Variants in PFKL observed in about 807,000 individuals in gnomAD.
The protein encoded by PFKL is ATP-dependent 6-phosphofructokinase, liver type.
PFKL carries 74 observed loss-of-function variants against 92.1 expected under a neutral mutation model. The ratio of observed to expected loss-of-function variants is 0.80; its 90% confidence interval spans 0.67 to 0.97. PFKL has a LOEUF of 0.97. Ranked by LOEUF, PFKL falls within the 50% of genes least tolerant of loss-of-function variation. The pLI is 0.00. For synonymous variants in PFKL, 494 were observed against 456.4 expected, an observed-to-expected ratio of 1.08 and a Z score of -1.05; for missense variants, 1,028 against 1,116.6, an observed-to-expected ratio of 0.92 and a Z score of 1.13.
chr21:44,309,273 A>G (rs539287799), intron 2 of PFKL, among the ~76,000 whole-genome samples: 5 of 152,110 alleles, frequency 3.3e-5, no homozygotes, highest in Non-Finnish European at 5.9e-5. Flanking sequence ...AACCCTTCTC[A>G]GTTCTGACAC....
chr21:44,325,393 C>T (rs539617081), intron 19 of PFKL, 129 bp downstream of exon 19: 8 of 663,098 alleles, frequency 1.2e-5, no homozygotes, highest in Non-Finnish European at 2.2e-5. Context: ...GCACGTGTGC[C>T]CTTCCCCAGT....
At chr21:44,319,573 G>A (rs1313231768) in intron 11 of PFKL, 158 bp downstream of exon 11, 2 of 668,532 alleles carry the variant, frequency 3.0e-6, no homozygotes, top group Non-Finnish European at 5.3e-6. Flanking sequence ...TGGTACAGGA[G>A]GCGGGCTGGG....
chr21:44,312,227 C>T lies in PFKL; in HGVS notation c.360C>T (p.Gly120=), dbSNP rs369308651. Residue 120 remains glycine, a synonymous_variant, in exon 4 of 22, where the codon GGC becomes GGT. Coordinates refer to ENST00000349048, the MANE Select transcript of PFKL (RefSeq NM_002626.6). ...ITNLCVIGGD[G]SLTGANIFRS... is the part of the protein sequence containing the mutation. ...ACCTGTGCGTCATCGGCGGGGATGG[C>T]AGCCTCACAGGTGCCAACATCTTCC... The T allele has an allele frequency of 7.5e-6, 12 of 1,598,354 alleles. No individual in the cohort carries two copies. In the African/African-American group the frequency reaches 1.3e-4, roughly 18 times the overall value.
At chr21:44,321,594 T>C (rs1457182422) in intron 12 of PFKL, 135 bp from the exon 13 acceptor site, 4 of 773,042 alleles carry the variant, frequency 5.2e-6, no homozygotes, top group Non-Finnish European at 5.8e-6. Context: ...AGTTGGGCGG[T>C]GTGCTGGGCA....
chr21:44,300,224 G>T (rs1254879561), intron 1 of PFKL, 34 bp downstream of exon 1: 9 of 1,002,922 alleles, frequency 9.0e-6, no homozygotes, highest in African/African-American at 3.5e-5. Context: ...CGCGGCGCAG[G>T]GGGTGGAGGG....
chr21:44,310,539 C>T (rs538827122), intron 2 of PFKL, among the ~76,000 whole-genome samples: 13 of 152,310 alleles, frequency 8.5e-5, no homozygotes, highest in African/African-American at 2.2e-4. Flanking sequence ...AGCAAGAGCA[C>T]GCGCCGCACA....
Position 44,322,175 on chromosome 21 carries a change from C to T in PFKL, c.1381C>T (p.Arg461Cys), listed in dbSNP as rs767877137. 35 of 1,604,368 alleles carry T rather than the reference C, an allele frequency of 2.2e-5. No homozygotes were observed. The highest frequency in any genetic ancestry group is 1.1e-4 in the East Asian group (5 of 44,810). The change falls in exon 14 of 22, where the codon CGT becomes TGT. Residue 461 changes from arginine to cysteine, a missense_variant. Coordinates refer to ENST00000349048, the MANE Select transcript of PFKL (RefSeq NM_002626.6). ...GCACGACGTGGCCGGCTGGTTGGGG[C>T]GTGGTGGCTCCATGCTGGGGACCAA... ...GWHDVAGWLGRGGSMLGTKRT... is the reference protein window; with the variant it reads ...GWHDVAGWLGCGGSMLGTKRT...
At chr21:44,319,482 G>A (rs192289674) in intron 11 of PFKL, 67 bp downstream of exon 11, 5 of 1,347,828 alleles carry the variant, frequency 3.7e-6, no homozygotes, top group East Asian at 2.3e-5. Flanking sequence ...AGCATGTGCT[G>A]CAGTGGCGCT....
chr21:44,324,501 G>C lies in PFKL; in HGVS notation c.1661G>C (p.Arg554Pro). 1 of 1,613,204 alleles carries C rather than the reference G, an allele frequency of 6.2e-7. No homozygotes were observed. Among genetic ancestry groups the C allele is most frequent in the Non-Finnish European group, 8.5e-7 (1 of 1,179,834 alleles). ...CCCCTTGTCCCCCAGAGCTGTGACC[G>C]CATCAAACAGTCTGCCTCGGGGACC... is the stretch of plus-strand genomic sequence containing the variant. ...AVNAAMESCD[R>P]IKQSASGTKR... Residue 554 changes from arginine to proline, a missense_variant, in exon 17 of 22, where the codon CGC becomes CCC. By Grantham distance (103) the Arg-to-Pro change is moderately radical. Transcript: ENST00000349048.
chr21:44,322,286 A>G (rs1264153817), intron 14 of PFKL, 83 bp downstream of exon 14: 4 of 1,349,192 alleles, frequency 3.0e-6, no homozygotes, highest in Non-Finnish European at 4.1e-6. Flanking sequence ...GGCAAGGGGA[A>G]CCCAGCCCGG....
intron 1 of PFKL, among the ~76,000 whole-genome samples, chr21:44,301,737 C>T (rs760265285): frequency 6.6e-6 from 1 of 152,172 alleles, no homozygotes; most frequent in Non-Finnish European, 1.5e-5. Flanking sequence ...CTTGGTGAGG[C>T]TGGTGAAGCC....
At chr21:44,325,719 T>G (rs2047487804) in intron 19 of PFKL, 1 of 552,488 alleles carries the variant, frequency 1.8e-6, no homozygotes, top group East Asian at 3.0e-5. Context: ...CAGGAGTCAC[T>G]TGACTTGGCC....
At chr21:44,325,387 G>C in intron 19 of PFKL, 123 bp downstream of exon 19, 1 of 674,926 alleles carries the variant, frequency 1.5e-6, no homozygotes, top group South Asian at 1.6e-5. Context: ...CCTCGGGCAC[G>C]TGTGCCCTTC....
At chr21:44,324,812 C>G (rs1054519668) in intron 17 of PFKL, 44 bp from the exon 18 acceptor site, 5 of 1,595,322 alleles carry the variant, frequency 3.1e-6, no homozygotes, top group African/African-American at 1.3e-5. Context: ...CTGGAATTCC[C>G]TCCCCACAGT....
chr21:44,301,054 G>A (rs71322559), intron 1 of PFKL, among the ~76,000 whole-genome samples: 4 of 152,228 alleles, frequency 2.6e-5, no homozygotes, highest in African/African-American at 9.6e-5. Context: ...TGTGCAGCGG[G>A]GTCTGGTCTG....
rs8133214 is a variant in PFKL at position 44,307,350 on chromosome 21, C to T, written c.159+596C>T. ...CTGGGTATTTACACACCCACACTTG[C>T]GCTCACACATGTGCACACACAGGCG... On this transcript the variant is annotated intron_variant, in intron 2 of 21. Transcript: ENST00000349048. The T allele has an allele frequency of 4.7e-3, 4,630 of 975,558 alleles. 149 individuals carry two copies. In the African/African-American group the frequency reaches 0.071, roughly 15 times the overall value. The allele number at this position is 975,558 out of a possible 1,614,324, so 60.4% of individuals were successfully genotyped here. A position where few individuals can be genotyped will look rare whatever the true frequency, so the allele number is the denominator to read the frequency against.
chr21:44,323,010 C>G lies in PFKL; in HGVS notation c.1458C>G (p.Ile486Met). The change falls in exon 15 of 22, where the codon ATC becomes ATG. Residue 486 changes from isoleucine (I) to methionine (M), a missense_variant. Transcript: ENST00000349048. The part of the protein sequence containing the change: ...QLESIVENIR[I>M]YGIHALLVVG... ...AGTCCATTGTGGAGAACATCCGCATCTATGGTATTCACGCCCTGCTGGTGG... is the reference window on the plus strand; with the variant it reads ...AGTCCATTGTGGAGAACATCCGCATGTATGGTATTCACGCCCTGCTGGTGG... 1 of 1,613,210 alleles carries G rather than the reference C, an allele frequency of 6.2e-7. No homozygotes were observed. The highest frequency in any genetic ancestry group is 8.5e-7 in the Non-Finnish European group (1 of 1,179,692).
At chr21:44,304,882 G>A (rs182268342) in intron 1 of PFKL, among the ~76,000 whole-genome samples, 179 of 152,166 alleles carry the variant, frequency 1.2e-3, no homozygotes, top group Non-Finnish European at 1.9e-3. Flanking sequence ...ATCTATGTGG[G>A]GATGTGAGGG....
rs767523728 is a variant in PFKL at position 44,326,145 on chromosome 21, G to A, written c.2090-14G>A. The A allele has an allele frequency of 1.2e-6, 2 of 1,611,082 alleles. No individual in the cohort carries two copies. The highest frequency in any genetic ancestry group is 1.7e-6 in the Non-Finnish European group (2 of 1,178,608). On this transcript the variant is annotated splice_polypyrimidine_tract_variant and intron_variant, in intron 20 of 21. Coordinates refer to ENST00000349048, the MANE Select transcript of PFKL (RefSeq NM_002626.6). ...GCCTCACCATGGAGGGCTGCCACGT[G>A]CCTCTGTTTGCAGGACGGGTGTTCG... is the stretch of plus-strand genomic sequence containing the variant.
Sources: allele counts gnomAD v4.1 joint callset (sites outside exome capture counted in the v4.1 genomes callset), GRCh38; gene constraint gnomAD v4.1.1; transcripts MANE v1.5; gene names NCBI Gene and HGNC (gene_info 2026-07-23, HGNC 2026-07-21).